Variants in FAM78B observed in about 807,000 individuals in gnomAD.
The protein encoded by FAM78B is family with sequence similarity 78 member B.
A neutral mutation model predicts 20.0 loss-of-function variants in FAM78B; 10 were observed. The ratio of observed to expected loss-of-function variants is 0.50; its 90% confidence interval spans 0.31 to 0.85. The LOEUF (loss-of-function observed/expected upper bound fraction) is 0.85, where lower values mean the gene tolerates loss of function less well. FAM78B is among the 40% of genes least tolerant of loss of function. FAM78B has a pLI of 0.05. For synonymous variants in FAM78B, 135 were observed against 132.8 expected, an observed-to-expected ratio of 1.02 and a Z score of -0.12; for missense variants, 283 against 345.0, an observed-to-expected ratio of 0.82 and a Z score of 1.42.
At chr1:166,157,232 C>A (rs1245937219) in intron 1 of FAM78B, among the ~76,000 whole-genome samples, 2 of 152,000 alleles carry the variant, frequency 1.3e-5, no homozygotes, top group African/African-American at 2.4e-5. Flanking sequence ...AGGGCCACAG[C>A]CACAACCTCC....
At chr1:166,146,764 G>C (rs1400055346) in intron 1 of FAM78B, among the ~76,000 whole-genome samples, 1 of 152,230 alleles carries the variant, frequency 6.6e-6, no homozygotes, top group African/African-American at 2.4e-5. Flanking sequence ...GAACATCTCA[G>C]TCAACCTTTC....
intron 1 of FAM78B, among the ~76,000 whole-genome samples, chr1:166,151,985 T>C (rs1250172924): frequency 2.0e-5 from 3 of 152,204 alleles, no homozygotes; most frequent in Admixed American, 2.0e-4. Context: ...GAAAGACTTT[T>C]CAATTGTGAT....
At chr1:166,091,798 A>T (rs1249961644) in intron 1 of FAM78B, among the ~76,000 whole-genome samples, 2 of 152,218 alleles carry the variant, frequency 1.3e-5, no homozygotes, top group African/African-American at 4.8e-5. Flanking sequence ...TAATCTTCAC[A>T]ATAATGCTAT....
chr1:166,157,619 G>A (rs1655960353), intron 1 of FAM78B, among the ~76,000 whole-genome samples: 1 of 152,148 alleles, frequency 6.6e-6, no homozygotes, highest in Non-Finnish European at 1.5e-5. Context: ...TGTCCAATGA[G>A]CTGATGACAA....
intron 1 of FAM78B, among the ~76,000 whole-genome samples, chr1:166,081,507 C>G (rs1652573776): frequency 6.6e-6 from 1 of 152,170 alleles, no homozygotes. Context: ...CACAGAGAAG[C>G]AGTGTTCTCT....
chr1:166,106,779 T>C (rs1008898725), intron 1 of FAM78B, among the ~76,000 whole-genome samples: 1 of 152,116 alleles, frequency 6.6e-6, no homozygotes, highest in East Asian at 1.9e-4. Flanking sequence ...GGTATTATGC[T>C]CATTACCTGG....
chr1:166,156,774 T>C (rs1655914105), intron 1 of FAM78B, among the ~76,000 whole-genome samples: 2 of 152,094 alleles, frequency 1.3e-5, no homozygotes, highest in African/African-American at 4.8e-5. Context: ...ATGAACAGCA[T>C]GGCTCACATG....
intron 1 of FAM78B, among the ~76,000 whole-genome samples, chr1:166,136,212 T>A (rs1655057642): frequency 1.3e-5 from 2 of 152,222 alleles, no homozygotes; most frequent in African/African-American, 4.8e-5. Flanking sequence ...CTGTATGAAT[T>A]CTGATGCATG....
chr1:166,066,032 C>A (rs1651780622), downstream of FAM78B, among the ~76,000 whole-genome samples: 1 of 152,232 alleles, frequency 6.6e-6, no homozygotes, highest in Non-Finnish European at 1.5e-5. Context: ...GTTCAATGTG[C>A]TAACCAGGGC....
intron 1 of FAM78B, among the ~76,000 whole-genome samples, chr1:166,116,249 T>C (rs1383076993): frequency 6.6e-6 from 1 of 152,212 alleles, no homozygotes; most frequent in Non-Finnish European, 1.5e-5. Context: ...TGTTGGCTTC[T>C]GGGCTCTTCA....
chr1:166,093,950 C>G (rs1653172979), intron 1 of FAM78B, among the ~76,000 whole-genome samples: 1 of 141,654 alleles, frequency 7.1e-6, no homozygotes, highest in South Asian at 2.3e-4. Flanking sequence ...GAGAGAGGAG[C>G]AGGGTGGGGG....
At chr1:166,072,089 A>G (rs1652070612) in intron 1 of FAM78B, among the ~76,000 whole-genome samples, 1 of 152,250 alleles carries the variant, frequency 6.6e-6, no homozygotes, top group South Asian at 2.1e-4. Flanking sequence ...CTTCTTTGAC[A>G]TAAAGTTCTT....
downstream of FAM78B, among the ~76,000 whole-genome samples, chr1:166,067,164 T>C (rs914636768): frequency 1.3e-5 from 2 of 152,126 alleles, no homozygotes; most frequent in Admixed American, 6.5e-5. Context: ...CAAGAGGCTG[T>C]GAGTTCTAGC....
In FAM78B at chr1:166,130,938, C is replaced by A. The variant is rs1654849692; in HGVS notation, c.263+35048G>T. Among the ~76,000 whole-genome samples the A allele has an allele frequency of 1.3e-5, 2 of 151,114 alleles. 1 individual carries two copies. Among genetic ancestry groups the A allele is most frequent in the South Asian group, 4.2e-4 (2 of 4,786 alleles). ...TGGCCGATGTCACAAGGCTGCGGGC[C>A]CAGGAGGTAGAATAACTTGGTGTAT... is the stretch of plus-strand genomic sequence containing the variant. On this transcript the variant is annotated intron_variant, in intron 1 of 1. Transcript: ENST00000354422.
intron 1 of FAM78B, among the ~76,000 whole-genome samples, chr1:166,163,844 G>A (rs1004955657): frequency 2.0e-5 from 3 of 152,086 alleles, no homozygotes; most frequent in African/African-American, 7.2e-5. Flanking sequence ...ATTTATTGGG[G>A]GTCTATTTTT....
intron 1 of FAM78B, among the ~76,000 whole-genome samples, chr1:166,127,606 A>G (rs947708342): frequency 1.3e-5 from 2 of 152,230 alleles, no homozygotes; most frequent in Admixed American, 6.5e-5. Flanking sequence ...GCTGTTATTG[A>G]TAATAGTACT....
chr1:166,077,616 TTA>T (rs1379049176), intron 1 of FAM78B, among the ~76,000 whole-genome samples: 2 of 130,174 alleles, frequency 1.5e-5, no homozygotes, highest in East Asian at 2.0e-4. Flanking sequence ...TTTATATAAA[TTA>T]TATATAATAC....
At chr1:166,155,327 C>A (rs920884673) in intron 1 of FAM78B, among the ~76,000 whole-genome samples, 2 of 152,206 alleles carry the variant, frequency 1.3e-5, no homozygotes, top group African/African-American at 4.8e-5. Context: ...CTGGCTCTGG[C>A]ACTACTTAGC....
At chr1:166,151,835 A>G (rs1161387188) in intron 1 of FAM78B, among the ~76,000 whole-genome samples, 1 of 152,218 alleles carries the variant, frequency 6.6e-6, no homozygotes, top group Non-Finnish European at 1.5e-5. Flanking sequence ...TTTATCATGT[A>G]GACAAATGCT....
Sources: allele counts gnomAD v4.1 joint callset (sites outside exome capture counted in the v4.1 genomes callset), GRCh38; gene constraint gnomAD v4.1.1; transcripts MANE v1.5; gene names NCBI Gene and HGNC (gene_info 2026-07-23, HGNC 2026-07-21).